PRKG1: variants seen among roughly 807,000 people sequenced by gnomAD.
PRKG1 encodes the protein cGMP-dependent protein kinase 1.
Under a neutral mutation model 88.1 loss-of-function variants are expected in PRKG1, and 35 were observed. The observed-to-expected ratio is 0.40, with a 90% CI of 0.30 to 0.53. The LOEUF is 0.53. Among genes scored for constraint, PRKG1 ranks in the 20% least tolerant of loss-of-function variants. The pLI is 0.59. For synonymous variants in PRKG1, 303 were observed against 292.5 expected, an observed-to-expected ratio of 1.04 and a Z score of -0.37; for missense variants, 540 against 839.8, an observed-to-expected ratio of 0.64 and a Z score of 4.41.
Position 51,764,615 on chromosome 10 carries a change from C to T in PRKG1, c.593-39970C>T, listed in dbSNP as rs532759613. 2.5e-4 allele frequency among the ~76,000 whole-genome samples: 38 copies of T among 152,184 alleles called. No homozygotes were observed. In the South Asian group the frequency reaches 7.1e-3, roughly 28 times the overall value. On this transcript the variant is annotated intron_variant, in intron 3 of 17. Transcript: ENST00000373980. ...ATTTCCCTGGCGACACTAATGTGAC[C>T]GTGTGTGCTTTCCATAGTATGGAAA... is the stretch of plus-strand genomic sequence containing the variant.
intron 1 of PRKG1, among the ~76,000 whole-genome samples, chr10:51,120,007 A>G (rs978981078): frequency 5.3e-5 from 8 of 152,106 alleles, no homozygotes; most frequent in African/African-American, 1.4e-4. Flanking sequence ...CCATATATCA[A>G]TGCCAATAAG....
At chr10:51,917,703 C>T (rs761268892) in intron 5 of PRKG1, among the ~76,000 whole-genome samples, 63 of 152,100 alleles carry the variant, frequency 4.1e-4, no homozygotes, top group Non-Finnish European at 6.3e-4. Flanking sequence ...GATACTTACA[C>T]GTTGATTTAG....
chr10:51,214,821 T>C (rs1212397848), intron 2 of PRKG1, among the ~76,000 whole-genome samples: 2 of 152,168 alleles, frequency 1.3e-5, no homozygotes, highest in Non-Finnish European at 2.9e-5. Flanking sequence ...AGCAAAGCTT[T>C]GTTTTTACAA....
chr10:52,280,651 T>C, intron 12 of PRKG1, 138 bp from the exon 13 acceptor site: 3 of 868,936 alleles, frequency 3.5e-6, no homozygotes, highest in African/African-American at 1.7e-5. Flanking sequence ...ATGGCAATCA[T>C]GTAACATTTA....
chr10:51,694,691 A>G (rs780195123), intron 3 of PRKG1, among the ~76,000 whole-genome samples: 3 of 152,210 alleles, frequency 2.0e-5, no homozygotes, highest in Non-Finnish European at 4.4e-5. Flanking sequence ...TATTATGATG[A>G]ATGAATTGGT....
intron 3 of PRKG1, among the ~76,000 whole-genome samples, chr10:51,613,751 T>C (rs1838973498): frequency 6.6e-6 from 1 of 151,934 alleles, no homozygotes. Context: ...CAATGGTCAC[T>C]CAAGAACATG....
At chr10:51,332,919 T>C (rs956262289) in intron 2 of PRKG1, among the ~76,000 whole-genome samples, 1 of 152,180 alleles carries the variant, frequency 6.6e-6, no homozygotes, top group African/African-American at 2.4e-5. Context: ...TCAACATTTA[T>C]TCAGTGCTAA....
At chr10:51,114,868 A>C (rs189481374) in intron 1 of PRKG1, among the ~76,000 whole-genome samples, 2 of 152,224 alleles carry the variant, frequency 1.3e-5, no homozygotes, top group African/African-American at 2.4e-5. Context: ...GTATTTATCA[A>C]TATAATGGTA....
intron 3 of PRKG1, among the ~76,000 whole-genome samples, chr10:51,626,739 A>G (rs1415969310): frequency 1.3e-5 from 2 of 152,192 alleles, no homozygotes; most frequent in Admixed American, 6.5e-5. Flanking sequence ...TATTGGCATC[A>G]TCTTGGGGAC....
At chr10:51,849,746 A>C (rs1816531421) in intron 4 of PRKG1, among the ~76,000 whole-genome samples, 1 of 152,168 alleles carries the variant, frequency 6.6e-6, no homozygotes, top group Non-Finnish European at 1.5e-5. Context: ...ATTTAAATGA[A>C]ATAATAATAT....
At chr10:51,212,658 A>T (rs1241720626) in intron 2 of PRKG1, among the ~76,000 whole-genome samples, 4 of 152,242 alleles carry the variant, frequency 2.6e-5, no homozygotes, top group Admixed American at 2.6e-4. Context: ...TGGGCAAAGG[A>T]TATGAACAGA....
chr10:51,030,357 C>T (rs901660986), intron 1 of PRKG1, among the ~76,000 whole-genome samples: 13 of 151,934 alleles, frequency 8.6e-5, no homozygotes, highest in African/African-American at 1.9e-4. Flanking sequence ...GCCTGATACA[C>T]TAAGGGATCA....
chr10:52,206,628 C>T (rs1194494), intron 9 of PRKG1, among the ~76,000 whole-genome samples: 151,690 of 152,284 alleles, frequency 1, 75,551 homozygotes, highest in Middle Eastern at 1. Context: ...GGCATTTAAT[C>T]GTGGTATAAG....
rs1403015965 is a variant in PRKG1, at chr10:52,244,935, TTAAA to T, written c.1077-6632_1077-6629del. 2.5e-3 allele frequency among the ~76,000 whole-genome samples: 355 copies of T among 143,958 alleles called. 8 individuals are homozygous for T. The highest frequency in any genetic ancestry group is 1.8e-3 in the Non-Finnish European group (121 of 65,754). The allele number at this position is 143,958 out of a possible 152,430, so 94.4% of individuals were successfully genotyped here. On this transcript the variant is annotated intron_variant, in intron 9 of 17. Transcript: ENST00000373980. ...AAATATATATATATTTAAATATACT[TTAAA>T]TATATATTTAAAATATATTTAAAAA...
chr10:51,872,167 A>G (rs937201344), intron 4 of PRKG1, among the ~76,000 whole-genome samples: 2 of 152,174 alleles, frequency 1.3e-5, no homozygotes, highest in African/African-American at 4.8e-5. Flanking sequence ...TGCACAGAAC[A>G]TTAGGAAACT....
At chr10:51,342,629 C>G (rs991163661) in intron 2 of PRKG1, among the ~76,000 whole-genome samples, 1 of 151,830 alleles carries the variant, frequency 6.6e-6, no homozygotes, top group East Asian at 1.9e-4. Flanking sequence ...ATATGCAGAC[C>G]TAATTTTCAT....
At chr10:51,170,258 C>A (rs756493310) in intron 2 of PRKG1, among the ~76,000 whole-genome samples, 9 of 151,942 alleles carry the variant, frequency 5.9e-5, no homozygotes, top group Non-Finnish European at 8.8e-5. Flanking sequence ...GAGGAAAATA[C>A]ATAACTTAAA....
chr10:51,295,246 T>A (rs1915683), intron 2 of PRKG1, among the ~76,000 whole-genome samples: 47,182 of 152,014 alleles, frequency 0.31, 8,053 homozygotes, highest in African/African-American at 0.45. Context: ...TTTTAATAAT[T>A]TTAATTCTTA....
At chr10:51,052,057 T>C (rs921608416) in intron 1 of PRKG1, among the ~76,000 whole-genome samples, 3 of 152,152 alleles carry the variant, frequency 2.0e-5, no homozygotes, top group Non-Finnish European at 4.4e-5. Flanking sequence ...ATTTTGAAGA[T>C]GGTTTACAGC....
Sources: allele counts gnomAD v4.1 joint callset (sites outside exome capture counted in the v4.1 genomes callset), GRCh38; gene constraint gnomAD v4.1.1; transcripts MANE v1.5; gene names NCBI Gene and HGNC (gene_info 2026-07-23, HGNC 2026-07-21).